SLCO1A2: variants seen among roughly 807,000 people sequenced by gnomAD.
SLCO1A2 encodes the protein solute carrier organic anion transporter family member 1A2, also known as OATP-1.
A neutral mutation model predicts 69.0 loss-of-function variants in SLCO1A2; 67 were observed. The ratio of observed to expected loss-of-function variants is 0.97; its 90% CI spans 0.80 to 1.19. The LOEUF (loss-of-function observed/expected upper bound fraction) is 1.19. Ranked by LOEUF, SLCO1A2 falls within the 50% of genes most tolerant of loss-of-function variation. SLCO1A2 has a pLI of 0.00. For synonymous variants in SLCO1A2, 260 were observed against 265.9 expected (o/e 0.98, Z 0.22); for missense variants, 787 against 793.7 (o/e 0.99, Z 0.10).
chr12:21,346,896 G>A (rs1430185022), intron 2 of SLCO1A2, among the ~76,000 whole-genome samples: 1 of 151,376 alleles, frequency 6.6e-6, no homozygotes, highest in Non-Finnish European at 1.5e-5. Context: ...CCTACATAAA[G>A]AAGAACATTT....
intron 6 of SLCO1A2, among the ~76,000 whole-genome samples, chr12:21,301,613 G>T (rs148216026): frequency 6.6e-6 from 1 of 152,088 alleles, no homozygotes; most frequent in Non-Finnish European, 1.5e-5. Context: ...CATCCCACAG[G>T]CATGTTTTGG....
chr12:21,396,096 AC>A (rs1941445326), upstream of SLCO1A2, among the ~76,000 whole-genome samples: 1 of 151,940 alleles, frequency 6.6e-6, no homozygotes, highest in Non-Finnish European at 1.5e-5. Context: ...GGACATTCAA[AC>A]CAAAGGCAAA....
intron 2 of SLCO1A2, among the ~76,000 whole-genome samples, chr12:21,347,416 G>A (rs1026013941): frequency 6.6e-6 from 1 of 152,008 alleles, no homozygotes; most frequent in Non-Finnish European, 1.5e-5. Flanking sequence ...GACGCCAAAG[G>A]GGGTGGATCA....
At chr12:21,412,095 T>C (rs1355852340) in intron 1 of SLCO1A2, among the ~76,000 whole-genome samples, 2 of 152,200 alleles carry the variant, frequency 1.3e-5, no homozygotes, top group African/African-American at 4.8e-5. Context: ...GTAATATCTA[T>C]GAAGACTGGG....
Position 21,334,670 on chromosome 12 carries a change from G to T in SLCO1A2, c.-23C>A, listed in dbSNP as rs1275751594. The T allele has an allele frequency of 2.5e-6, 4 of 1,596,516 alleles. No individual in the cohort carries two copies. The highest frequency in any genetic ancestry group is 3.4e-6 in the Non-Finnish European group (4 of 1,170,708). On this transcript the variant is annotated 5_prime_UTR_variant, in exon 2 of 15. Transcript: ENST00000683939. ...CATGTTGCTCTTCAGGGTGTTCCAAGCTATTTATGTTTTAAATCTTGATAT... is the reference window on the plus strand; with the variant it reads ...CATGTTGCTCTTCAGGGTGTTCCAATCTATTTATGTTTTAAATCTTGATAT...
intron 1 of SLCO1A2, among the ~76,000 whole-genome samples, chr12:21,383,426 T>C (rs1340163760): frequency 6.6e-6 from 1 of 152,150 alleles, no homozygotes; most frequent in Non-Finnish European, 1.5e-5. Context: ...ACTGCTTCCC[T>C]TGTGCATTAA....
chr12:21,362,273 C>G (rs1011293770), intron 2 of SLCO1A2, among the ~76,000 whole-genome samples: 5 of 152,094 alleles, frequency 3.3e-5, no homozygotes, highest in Non-Finnish European at 5.9e-5. Context: ...GAATTTTCAA[C>G]CCAGAATTTC....
intron 1 of SLCO1A2, among the ~76,000 whole-genome samples, chr12:21,391,000 G>A (rs1423901645): frequency 6.6e-6 from 1 of 152,072 alleles, no homozygotes; most frequent in Non-Finnish European, 1.5e-5. Flanking sequence ...TCATTTCAAA[G>A]GTGGGACATG....
chr12:21,321,091 AAATCCAC>A (rs1194795356), intron 2 of SLCO1A2, among the ~76,000 whole-genome samples: 1 of 152,114 alleles, frequency 6.6e-6, no homozygotes, highest in Non-Finnish European at 1.5e-5. Flanking sequence ...CAAATATCCC[AAATCCAC>A]AAGCTATGTC....
chr12:21,347,946 A>G (rs1001039567), intron 2 of SLCO1A2, among the ~76,000 whole-genome samples: 7 of 152,314 alleles, frequency 4.6e-5, no homozygotes, highest in Middle Eastern at 3.4e-3. Context: ...TCTTCATCTC[A>G]TTACTCAACC....
chr12:21,401,030 T>TA (rs758293561), intron 1 of SLCO1A2, among the ~76,000 whole-genome samples: 26 of 140,074 alleles, frequency 1.9e-4, no homozygotes, highest in African/African-American at 5.3e-4. Context: ...AGTATAATAA[T>TA]AAAAAAAAAG....
At position 21,308,272 on chromosome 12, in the gene SLCO1A2, A is replaced by G. The variant is rs368639654; in HGVS notation, c.336-1284T>C. ...GCATGATTCCACAAGGATAAAAAAA[A>G]TAGGGAATTTTACAATAAAAGAGAG... On this transcript the variant is annotated intron_variant, in intron 4 of 14. Coordinates refer to ENST00000683939, the MANE Select transcript of SLCO1A2 (RefSeq NM_001386879.1). 1.5e-3 allele frequency among the ~76,000 whole-genome samples: 223 copies of G among 152,338 alleles called. 7 individuals carry two copies. The South Asian group carries it at 0.045, about 31-fold the overall frequency.
At chr12:21,354,632 T>G (rs1938217079) in intron 2 of SLCO1A2, among the ~76,000 whole-genome samples, 1 of 152,222 alleles carries the variant, frequency 6.6e-6, no homozygotes, top group South Asian at 2.1e-4. Context: ...TTGTATCTGT[T>G]TCTGTCCTTA....
At chr12:21,296,604 G>A (rs1439575957) in intron 9 of SLCO1A2, among the ~76,000 whole-genome samples, 5 of 152,088 alleles carry the variant, frequency 3.3e-5, no homozygotes, top group Admixed American at 2.6e-4. Flanking sequence ...TACATTTCAT[G>A]TCTTGCTGCT....
rs556428178 is a variant in SLCO1A2, at chr12:21,378,234, C to T, written c.-189-3709G>A. 5.0e-6 allele frequency: 8 copies of T among 1,613,816 alleles called. No individual in the cohort carries two copies. In the South Asian group the frequency reaches 8.8e-5, roughly 18 times the overall value. ...ACTTTTCACATTTGTTCCATGTTAC[C>T]AGTCATCAGGTGGAAAAGCGGAAAT... On this transcript the variant is annotated intron_variant, in intron 1 of 15. Coordinates refer to the SLCO1A2 transcript ENST00000307378.
chr12:21,398,924 A>C (rs1941583978), upstream of SLCO1A2, among the ~76,000 whole-genome samples: 1 of 150,650 alleles, frequency 6.6e-6, no homozygotes, highest in African/African-American at 2.4e-5. Flanking sequence ...TGTCATACTG[A>C]ATGGACAAAA....
chr12:21,398,502 G>A (rs1487137480), upstream of SLCO1A2, among the ~76,000 whole-genome samples: 7 of 150,332 alleles, frequency 4.7e-5, no homozygotes, highest in South Asian at 2.1e-4. Context: ...AGAAAAAGAC[G>A]GAATCCTCCC....
intron 2 of SLCO1A2, among the ~76,000 whole-genome samples, chr12:21,361,602 A>C (rs1938891178): frequency 6.6e-6 from 1 of 152,234 alleles, no homozygotes; most frequent in South Asian, 2.1e-4. Context: ...TCCGAGCTAA[A>C]GGAGGATGTT....
chr12:21,418,380 C>G (rs1942021486), upstream of SLCO1A2, among the ~76,000 whole-genome samples: 1 of 152,180 alleles, frequency 6.6e-6, no homozygotes, highest in South Asian at 2.1e-4. Context: ...AAACCTCAGG[C>G]ACAGAGTATT....
Sources: allele counts gnomAD v4.1 joint callset (sites outside exome capture counted in the v4.1 genomes callset), GRCh38; gene constraint gnomAD v4.1.1; transcripts MANE v1.5; gene names NCBI Gene and HGNC (gene_info 2026-07-23, HGNC 2026-07-21).